Variants in ACP4 observed in about 807,000 individuals in gnomAD.
ACP4 encodes the protein acid phosphatase 4.
In ACP4, 49 loss-of-function variants were observed where a neutral mutation model predicts 47.3. The ratio of observed to expected loss-of-function variants is 1.04; its 90% confidence interval spans 0.82 to 1.32. ACP4 has a LOEUF of 1.32. Ranked by LOEUF, ACP4 falls within the 40% of genes most tolerant of loss-of-function variation. The pLI, the probability that ACP4 is intolerant of heterozygous loss-of-function variation, is 0.00. For missense variants in ACP4, 594 were observed against 579.3 expected, an observed-to-expected ratio of 1.03 and a Z score of -0.26; for synonymous variants, 299 against 265.3, an observed-to-expected ratio of 1.13 and a Z score of -1.23.
At position 50,794,771 on chromosome 19, in the gene ACP4, G is replaced by A. The variant is rs977043833; in HGVS notation, c.987-15G>A. On this transcript the variant is annotated splice_polypyrimidine_tract_variant and intron_variant, in intron 9 of 10. Coordinates refer to ENST00000270593, the MANE Select transcript of ACP4 (RefSeq NM_033068.3). Reference sequence around the variant, plus strand: ...GACAGGAGGGAGGAGGTGCCACCATGTCCTCTCTCTCCAGGAATGTCACCG... The same window carrying A: ...GACAGGAGGGAGGAGGTGCCACCATATCCTCTCTCTCCAGGAATGTCACCG... 5 of 1,587,176 alleles carry A rather than the reference G, an allele frequency of 3.2e-6. No homozygotes were observed. Among genetic ancestry groups the A allele is most frequent in the Middle Eastern group, 1.7e-4 (1 of 5,910 alleles).
chr19:50,792,310 G>A lies in ACP4; in HGVS notation c.618G>A (p.Trp206Ter), dbSNP rs867268298. The A allele has an allele frequency of 6.2e-7, 1 of 1,613,318 alleles. No homozygotes were observed. The highest frequency in any genetic ancestry group is 1.3e-5 in the African/African-American group (1 of 74,924). The change falls in exon 6 of 11, where the codon TGG (tryptophan) becomes TGA (stop). Residue 206 changes from tryptophan (W) to a stop codon, truncating the protein, a stop_gained. Coordinates refer to ENST00000270593, the MANE Select transcript of ACP4 (RefSeq NM_033068.3). LOFTEE classifies it high-confidence loss of function. ...TTGGAGAGCCACTGCGCAGGGCATG[G>A]AAGGTTCTGGACACCCTCATGTGCC... ...SLVGEPLRRAWKVLDTLMCQQ... is the reference protein window; with the variant it reads ...SLVGEPLRRA
At chr19:50,791,510 A>T in intron 3 of ACP4, 146 bp from the exon 4 acceptor site, 1 of 1,225,714 alleles carries the variant, frequency 8.2e-7, no homozygotes, top group South Asian at 1.4e-5. Context: ...TGGACCCTTG[A>T]TCCCAACTTC....
At chr19:50,794,995 G>C in intron 10 of ACP4, 31 bp downstream of exon 10, 2 of 1,613,428 alleles carry the variant, frequency 1.2e-6, no homozygotes, top group Non-Finnish European at 1.7e-6. Context: ...GGTGGGAGTG[G>C]AGGGTTGCCA....
rs759792324 is a variant in ACP4, at chr19:50,791,766, G to A, written c.414G>A (p.Pro138=). The change falls in exon 4 of 11, where the codon CCG becomes CCA. Residue 138 remains proline, a synonymous_variant. Coordinates refer to ENST00000270593, the MANE Select transcript of ACP4 (RefSeq NM_033068.3). ...GGAGCCCCGAGGCCCGCTGGAGGCC[G>A]ATCCCGGTGCACACGGTGCCCGTGG... The part of the protein sequence containing the change: ...APGSPEARWR[P]IPVHTVPVAE... 16 of 1,612,176 alleles carry A rather than the reference G, an allele frequency of 9.9e-6. No homozygotes were observed. Among genetic ancestry groups the A allele is most frequent in the Middle Eastern group, 1.7e-4 (1 of 5,882 alleles).
rs1298794117 is a variant in ACP4 at position 50,795,029 on chromosome 19, T to G, written c.1166-14T>G. ...CAAGTCCTGGCACTCACCCCCCGCG[T>G]GTTCTCCCTGCAGCTCCAGTGGTGC... On this transcript the variant is annotated splice_polypyrimidine_tract_variant and intron_variant, in intron 10 of 10. Transcript: ENST00000270593. 6.2e-7 allele frequency: 1 copy of G among 1,607,314 alleles called. No homozygotes were observed.
Position 50,790,701 on chromosome 19 carries a change from G to C in ACP4, c.216+3G>C. On this transcript the variant is annotated splice_donor_region_variant and intron_variant, in intron 2 of 10. Transcript: ENST00000270593. ...GAGGCCTGGGCCAGCTGACCACGGT[G>C]AGAAGCGGGTAGGCGGTGAGGGCAA... The C allele has an allele frequency of 6.7e-7, 1 of 1,487,832 alleles. No individual in the cohort carries two copies. Among genetic ancestry groups the C allele is most frequent in the East Asian group, 2.8e-5 (1 of 35,808 alleles). 92.2% of individuals were successfully genotyped at this position (1,487,832 alleles called of 1,614,324 possible).
In ACP4 at chr19:50,795,051, G is replaced by C; in HGVS notation, c.1174G>C (p.Val392Leu). The C allele has an allele frequency of 6.2e-7, 1 of 1,609,688 alleles. No homozygotes were observed. Among genetic ancestry groups the C allele is most frequent in the Non-Finnish European group, 8.5e-7 (1 of 1,178,386 alleles). The change falls in exon 11 of 11, where the codon GTG becomes CTG. Residue 392 changes from valine (V) to leucine (L), a missense_variant. Val to Leu is a conservative substitution (Grantham distance 32, BLOSUM62 1). Transcript: ENST00000270593. ...YEAAIPPAPV[V>L]PLLAGAVAVL... is the part of the protein sequence containing the mutation. ...GCGTGTTCTCCCTGCAGCTCCAGTG[G>C]TGCCCCTGCTGGCCGGAGCTGTAGC...
chr19:50,792,279 C>T lies in ACP4; in HGVS notation c.587C>T (p.Ser196Leu), dbSNP rs115449310. Reference protein sequence around the residue: ...LSRLENFTGLSLVGEPLRRAW... With the variant: ...LSRLENFTGLLLVGEPLRRAW... Reference sequence around the variant, plus strand: ...CGCCTGGAGAACTTCACGGGACTGTCGCTGGTTGGAGAGCCACTGCGCAGG... The same window carrying T: ...CGCCTGGAGAACTTCACGGGACTGTTGCTGGTTGGAGAGCCACTGCGCAGG... The change falls in exon 6 of 11, where the codon TCG becomes TTG. Residue 196 changes from serine (S) to leucine (L), a missense_variant. Coordinates refer to ENST00000270593, the MANE Select transcript of ACP4 (RefSeq NM_033068.3). The T allele has an allele frequency of 3.8e-5, 61 of 1,613,474 alleles. No homozygotes were observed. The African/African-American group carries it at 6.7e-4, about 18-fold the overall frequency.
At chr19:50,794,732 GCTTTAAGATCA>G in intron 9 of ACP4, 43 bp from the exon 10 acceptor site, 1 of 1,571,830 alleles carries the variant, frequency 6.4e-7, no homozygotes, top group Middle Eastern at 1.7e-4. Context: ...TTTTCTCCAG[GCTTTAAGATCA>G]ATGACAGGAG....
At chr19:50,793,376 A>G in intron 6 of ACP4, 1 of 322,136 alleles carries the variant, frequency 3.1e-6, no homozygotes, top group Non-Finnish European at 5.7e-6. Context: ...TTAGCCAGGA[A>G]TGGTGGCACA....
chr19:50,791,372 C>T (rs562849375), intron 3 of ACP4, among the ~76,000 whole-genome samples: 1 of 152,260 alleles, frequency 6.6e-6, no homozygotes, highest in South Asian at 2.1e-4. Flanking sequence ...CTAAACTTGA[C>T]CTCTAACCTC....
chr19:50,790,515 T>G lies in ACP4; in HGVS notation c.101T>G (p.Phe34Cys). Residue 34 changes from phenylalanine to cysteine, a missense_variant, in exon 1 of 11, where the codon TTC becomes TGC. Coordinates refer to ENST00000270593, the MANE Select transcript of ACP4 (RefSeq NM_033068.3). ...PRALPEGPLV[F>C]VALVFRHGDR... is the part of the protein sequence containing the mutation. ...GCCCTGCCAGAAGGACCCCTGGTGTTCGTGGCTCTGGTGAGGCGCCCCCAC... is the reference window on the plus strand; with the variant it reads ...GCCCTGCCAGAAGGACCCCTGGTGTGCGTGGCTCTGGTGAGGCGCCCCCAC... 6.5e-7 allele frequency: 1 copy of G among 1,548,882 alleles called. No homozygotes were observed. The highest frequency in any genetic ancestry group is 8.7e-7 in the Non-Finnish European group (1 of 1,147,664).
rs762331870 is a variant in ACP4 at position 50,792,091 on chromosome 19, C to A, written c.469C>A (p.Arg157Ser). The change falls in exon 5 of 11, where the codon CGC (arginine) becomes AGC (serine). Residue 157 changes from arginine (R) to serine (S), a missense_variant. Transcript: ENST00000270593. ...TCCCCAGCTGCTGAGGTTCCCCATG[C>A]GCAGCTGTCCCCGATACCACGAGCT... ...AEDKLLRFPM[R>S]SCPRYHELLR... 29 of 1,591,752 alleles carry A rather than the reference C, an allele frequency of 1.8e-5. No individual in the cohort carries two copies. In the Admixed American group the frequency reaches 3.7e-4, roughly 21 times the overall value.
rs1165677118 is a variant in ACP4, at chr19:50,795,112, TGGCCTGGAGACCAGGGTGCCTGCG to T, written c.1241_1264del (p.Trp414_Ala421del). 5.1e-6 allele frequency: 8 copies of T among 1,572,344 alleles called. No individual in the cohort carries two copies. Among genetic ancestry groups the T allele is most frequent in the African/African-American group, 1.4e-5 (1 of 73,800 alleles). On this transcript the variant is annotated inframe_deletion, in exon 11 of 11. Coordinates refer to ENST00000270593, the MANE Select transcript of ACP4 (RefSeq NM_033068.3). ...GCACTCAGCTTGGGGCTGGGCCTGC[TGGCCTGGAGACCAGGGTGCCTGCG>T]GGCCTTGGGGGGCCCCGTGTGAGCC...
chr19:50,795,123 C>T lies in ACP4; in HGVS notation c.1246C>T (p.Pro416Ser). 6.4e-6 allele frequency: 10 copies of T among 1,565,518 alleles called. No homozygotes were observed. Among genetic ancestry groups the T allele is most frequent in the Non-Finnish European group, 8.6e-6 (10 of 1,157,512 alleles). ...GGGGCTGGGCCTGCTGGCCTGGAGA[C>T]CAGGGTGCCTGCGGGCCTTGGGGGG... ...SLGLGLLAWR[P>S]GCLRALGGPV Residue 416 changes from proline to serine, a missense_variant, in exon 11 of 11, where the codon CCA becomes TCA. Physicochemically the swap from Pro to Ser is moderately conservative, Grantham distance 74. Coordinates refer to ENST00000270593, the MANE Select transcript of ACP4 (RefSeq NM_033068.3).
rs368106101 is a variant in ACP4, at chr19:50,792,182, C to G, written c.549+11C>G. ...CTGGAGGGCTGGACGGTGAGCAGGGCGGCGGTGGGGGGCGGGATGCAGGGG... is the reference window on the plus strand; with the variant it reads ...CTGGAGGGCTGGACGGTGAGCAGGGGGGCGGTGGGGGGCGGGATGCAGGGG... On this transcript the variant is annotated intron_variant, in intron 5 of 10. Transcript: ENST00000270593. 12 of 1,610,208 alleles carry G rather than the reference C, an allele frequency of 7.5e-6. No homozygotes were observed. Among genetic ancestry groups the G allele is most frequent in the Non-Finnish European group, 9.3e-6 (11 of 1,179,324 alleles).
At chr19:50,792,035 G>A (rs774074789) in intron 4 of ACP4, 38 bp from the exon 5 acceptor site, 33 of 1,537,702 alleles carry the variant, frequency 2.1e-5, no homozygotes, top group Non-Finnish European at 2.8e-5. Context: ...CCAAGGCAAG[G>A]CACACGGCTG....
chr19:50,790,784 G>A lies in ACP4; in HGVS notation c.227G>A (p.Arg76His), dbSNP rs201486558. 69 of 1,547,870 alleles carry A rather than the reference G, an allele frequency of 4.5e-5. No individual in the cohort carries two copies. In the African/African-American group the frequency reaches 7.3e-4, roughly 16 times the overall value. The part of the protein sequence containing the change: ...GLGQLTTEGV[R>H]QQLELGRFLR... ...CTGTTCTGTCCCCAGGAGGGGGTCC[G>A]CCAGCAGCTGGAGCTGGGCCGCTTC... The change falls in exon 3 of 11, where the codon CGC (arginine) becomes CAC (histidine). Residue 76 changes from arginine to histidine, a missense_variant. By Grantham distance (29) the Arg-to-His change is conservative. Transcript: ENST00000270593.
rs530153416 is a variant in ACP4, at chr19:50,791,375, C to T, written c.304-281C>T. ...CAAGCTGCCCTCCTAAACTTGACCT[C>T]TAACCTCCAGCCTCTACTGATTCTG... On this transcript the variant is annotated intron_variant, in intron 3 of 10. Coordinates refer to ENST00000270593, the MANE Select transcript of ACP4 (RefSeq NM_033068.3). 1.6e-4 allele frequency among the ~76,000 whole-genome samples: 25 copies of T among 152,298 alleles called. No homozygotes were observed. The South Asian group carries it at 5.2e-3, about 32-fold the overall frequency.
Sources: allele counts gnomAD v4.1 joint callset (sites outside exome capture counted in the v4.1 genomes callset), GRCh38; gene constraint gnomAD v4.1.1; transcripts MANE v1.5; gene names NCBI Gene and HGNC (gene_info 2026-07-23, HGNC 2026-07-21).